Variants in ROBO2 observed in about 807,000 individuals in gnomAD.
The protein encoded by ROBO2 is roundabout homolog 2.
ROBO2 carries 53 observed loss-of-function variants against 160.8 expected under a neutral mutation model. That is an observed-to-expected ratio of 0.33 (90% confidence interval 0.26 to 0.41). The LOEUF (loss-of-function observed/expected upper bound fraction) is 0.41. Ranked by LOEUF, ROBO2 falls within the 10% of genes least tolerant of loss-of-function variation. The pLI is 1.00. For missense variants in ROBO2, 1,577 were observed against 1,722.4 expected (o/e 0.92, Z 1.49); for synonymous variants, 664 against 611.7 (o/e 1.09, Z -1.26).
intron 2 of ROBO2, among the ~76,000 whole-genome samples, chr3:76,442,296 C>G (rs2076958646): frequency 6.6e-6 from 1 of 152,180 alleles, no homozygotes; most frequent in Non-Finnish European, 1.5e-5. Flanking sequence ...CTTATCCCTC[C>G]ATATCCTAAT....
chr3:76,076,663 A>G (rs2068654982), intron 2 of ROBO2, among the ~76,000 whole-genome samples: 1 of 152,198 alleles, frequency 6.6e-6, no homozygotes, highest in Non-Finnish European at 1.5e-5. Flanking sequence ...TGTATTTTTC[A>G]TTAAAATGAA....
intron 2 of ROBO2, among the ~76,000 whole-genome samples, chr3:76,707,034 T>C (rs1236778266): frequency 6.6e-6 from 1 of 152,052 alleles, no homozygotes; most frequent in Non-Finnish European, 1.5e-5. Flanking sequence ...ATATATATTC[T>C]AATGTGTGTA....
intron 24 of ROBO2, among the ~76,000 whole-genome samples, chr3:77,637,632 A>T (rs13063307): frequency 0.48 from 73,469 of 151,944 alleles, 18,040 homozygotes; most frequent in Middle Eastern, 0.63. Context: ...GACTACTTTC[A>T]CTGAATTGCT....
intron 2 of ROBO2, among the ~76,000 whole-genome samples, chr3:76,080,914 A>G (rs929584581): frequency 3.3e-5 from 5 of 152,164 alleles, no homozygotes; most frequent in Non-Finnish European, 7.4e-5. Context: ...ACAATCTTAC[A>G]ATTGTTTGTC....
Position 77,649,760 on chromosome 3 carries a change from T to C in ROBO2, c.*3705T>C, listed in dbSNP as rs1211354569. The stretch of plus-strand genomic sequence containing the variant: ...AGAAAAGGGATTTTGTGGCCGTGGG[T>C]AGACTTTTTATACTTTGTTTTATAG... On this transcript the variant is annotated 3_prime_UTR_variant, in exon 26 of 26. Coordinates refer to ENST00000461745, the Ensembl canonical transcript of ROBO2. The C allele has an allele frequency of 5.9e-5, 9 of 152,298 alleles. 3 individuals carry two copies. The highest frequency in any genetic ancestry group is 5.2e-4 in the Admixed American group (8 of 15,288). 9.4% of individuals were successfully genotyped at this position (152,298 alleles called of 1,614,324 possible).
In ROBO2 at chr3:76,941,403, A is replaced by G. The variant is rs541416674; in HGVS notation, c.110-156611A>G. On this transcript the variant is annotated intron_variant, in intron 2 of 26. Coordinates refer to the ROBO2 transcript ENST00000487694. ...TTAAATGTTTAGAGTATACCCCACT[A>G]TAATACAAATTCTTCACCTAGACTC... Among the ~76,000 whole-genome samples, 79 of 152,284 alleles carry G rather than the reference A, an allele frequency of 5.2e-4. No homozygotes were observed. In the South Asian group the frequency reaches 0.016, roughly 31 times the overall value.
intron 2 of ROBO2, among the ~76,000 whole-genome samples, chr3:76,236,854 A>G (rs1704977684): frequency 6.6e-6 from 1 of 152,154 alleles, no homozygotes; most frequent in Non-Finnish European, 1.5e-5. Flanking sequence ...TAGGAAAAAT[A>G]TAACCCTAAG....
At chr3:77,147,822 G>A (rs1234502815) in intron 2 of ROBO2, among the ~76,000 whole-genome samples, 1 of 152,102 alleles carries the variant, frequency 6.6e-6, no homozygotes, top group Non-Finnish European at 1.5e-5. Flanking sequence ...ACAAAGGAAA[G>A]ATGAAAGAAA....
intron 1 of ROBO2, among the ~76,000 whole-genome samples, chr3:75,934,724 C>T (rs1947697285): frequency 6.6e-6 from 1 of 152,000 alleles, no homozygotes; most frequent in African/African-American, 2.4e-5. Context: ...AACCATCTGT[C>T]CTTTAAAATG....
At chr3:76,418,877 A>G (rs2108903575) in intron 2 of ROBO2, among the ~76,000 whole-genome samples, 1 of 152,316 alleles carries the variant, frequency 6.6e-6, no homozygotes, top group Admixed American at 6.5e-5. Flanking sequence ...TGGTGAAAAA[A>G]AATTAGTAAA....
rs528022090 is a variant in ROBO2, at chr3:76,537,907, A to G, written c.110-560107A>G. On this transcript the variant is annotated intron_variant, in intron 2 of 26. Coordinates refer to the ROBO2 transcript ENST00000487694. Reference sequence around the variant, plus strand: ...CAAGGTGCATGGTGGAGAGACCATGAGACTCACTGTCCAGGAGAAGAATGT... The same window carrying G: ...CAAGGTGCATGGTGGAGAGACCATGGGACTCACTGTCCAGGAGAAGAATGT... Among the ~76,000 whole-genome samples, 3 of 152,158 alleles carry G rather than the reference A, an allele frequency of 2.0e-5. No homozygotes were observed. The East Asian group carries it at 5.8e-4, about 29-fold the overall frequency.
At chr3:75,987,599 G>T (rs912798749) in intron 2 of ROBO2, among the ~76,000 whole-genome samples, 3 of 151,892 alleles carry the variant, frequency 2.0e-5, no homozygotes, top group Non-Finnish European at 4.4e-5. Flanking sequence ...TTGAATACAA[G>T]TAGCAATGTA....
intron 2 of ROBO2, among the ~76,000 whole-genome samples, chr3:76,033,326 G>A (rs1166932819): frequency 7.2e-5 from 11 of 151,882 alleles, no homozygotes; most frequent in African/African-American, 7.2e-5. Context: ...ACATATCACC[G>A]ACCAGGATAT....
At chr3:76,001,002 A>AT (rs1350430300) in intron 2 of ROBO2, among the ~76,000 whole-genome samples, 1 of 151,464 alleles carries the variant, frequency 6.6e-6, no homozygotes, top group African/African-American at 2.4e-5. Flanking sequence ...TTACTTCTTT[A>AT]TTTTTTCATT....
intron 6 of ROBO2, among the ~76,000 whole-genome samples, chr3:77,524,769 G>A (rs1310412640): frequency 6.6e-6 from 1 of 150,912 alleles, no homozygotes; most frequent in Non-Finnish European, 1.5e-5. Flanking sequence ...CTAATAGAGA[G>A]CATTGTTTGT....
At chr3:77,263,117 C>G (rs2153339474) in intron 2 of ROBO2, among the ~76,000 whole-genome samples, 1 of 152,134 alleles carries the variant, frequency 6.6e-6, no homozygotes, top group East Asian at 1.9e-4. Context: ...TTTGTAGAAC[C>G]ATTAAGTCAA....
At position 75,942,957 on chromosome 3, in the gene ROBO2, G is replaced by A. The variant is rs545880999; in HGVS notation, c.109+5355G>A. Among the ~76,000 whole-genome samples, 19 of 152,236 alleles carry A rather than the reference G, an allele frequency of 1.2e-4. No homozygotes were observed. In the South Asian group the frequency reaches 2.3e-3, roughly 18 times the overall value. ...GTCTGCATGGGAGATAGTAAGAGAC[G>A]TGTATGCTGTATATCTACTAGCAGA... On this transcript the variant is annotated intron_variant, in intron 2 of 26. Transcript: ENST00000487694.
At position 76,057,037 on chromosome 3, in the gene ROBO2, A is replaced by C. The variant is rs2067873662; in HGVS notation, c.109+119435A>C. ...GTCTACTTAACTTTGGATTTCCTCA[A>C]ATTTTCTAAAGACCAGTTAGAAACA... On this transcript the variant is annotated intron_variant, in intron 2 of 26. Transcript: ENST00000487694. Among the ~76,000 whole-genome samples the C allele has an allele frequency of 2.0e-5, 3 of 152,188 alleles. No individual in the cohort carries two copies. The South Asian group carries it at 6.2e-4, about 32-fold the overall frequency.
chr3:76,034,454 G>A (rs1195339416), intron 2 of ROBO2, among the ~76,000 whole-genome samples: 3 of 152,160 alleles, frequency 2.0e-5, no homozygotes, highest in African/African-American at 4.8e-5. Context: ...AAGATGTGGA[G>A]ACTAGGTTAT....
Sources: allele counts gnomAD v4.1 joint callset (sites outside exome capture counted in the v4.1 genomes callset), GRCh38; gene constraint gnomAD v4.1.1; transcripts MANE v1.5; gene names NCBI Gene and HGNC (gene_info 2026-07-23, HGNC 2026-07-21).